Variants in KDM4C observed in about 807,000 individuals in gnomAD.
KDM4C encodes lysine demethylase 4C.
Under a neutral mutation model 129.3 loss-of-function variants are expected in KDM4C, and 81 were observed. The ratio of observed to expected loss-of-function variants is 0.63; its 90% CI spans 0.52 to 0.75. The LOEUF is 0.75. Among genes scored for constraint, KDM4C ranks in the 30% least tolerant of loss-of-function variants. The pLI is 0.00. For synonymous variants in KDM4C, 573 were observed against 456.1 expected, an observed-to-expected ratio of 1.26 and a Z score of -3.26; for missense variants, 1,457 against 1,304.0, an observed-to-expected ratio of 1.12 and a Z score of -1.81.
chr9:6,978,834 C>T (rs1396781136), intron 8 of KDM4C: 1 of 152,174 alleles, frequency 6.6e-6, no homozygotes. Flanking sequence ...TCCAGCAGTA[C>T]CATCCTCCAG....
intron 17 of KDM4C, among the ~76,000 whole-genome samples, chr9:7,080,066 A>G (rs1013345896): frequency 6.6e-6 from 1 of 152,124 alleles, no homozygotes. Context: ...CATCTAGGCC[A>G]TGGATTTATT....
At chr9:6,982,687 C>G (rs1816973451) in intron 9 of KDM4C, 1 of 152,312 alleles carries the variant, frequency 6.6e-6, no homozygotes, top group Middle Eastern at 3.4e-3. Context: ...AGAATACACA[C>G]CAGGAGAACA....
At chr9:7,113,885 C>T (rs1838607889) in intron 18 of KDM4C, among the ~76,000 whole-genome samples, 1 of 152,040 alleles carries the variant, frequency 6.6e-6, no homozygotes, top group Non-Finnish European at 1.5e-5. Flanking sequence ...GTATTCAAAA[C>T]AATCTTGACT....
rs1445739743 is a variant in KDM4C at position 7,128,055 on chromosome 9, CCTT to C, written c.2611-7_2611-5del. ...ACTTCTTTTCTTCCTTTTTTGTGTC[CCTT>C]CTTTTAGAAGTCCAAGGCTTGCGAG... On this transcript the variant is annotated splice_region_variant and splice_polypyrimidine_tract_variant and intron_variant, in intron 18 of 21. Transcript: ENST00000381309. 6.9e-7 allele frequency: 1 copy of C among 1,458,662 alleles called. No homozygotes were observed. Among genetic ancestry groups the C allele is most frequent in the Non-Finnish European group, 9.1e-7 (1 of 1,099,242 alleles). The allele number at this position is 1,458,662 out of a possible 1,614,324, so 90.4% of individuals were successfully genotyped here.
At chr9:6,807,988 G>T (rs1280494640) in intron 3 of KDM4C, among the ~76,000 whole-genome samples, 1 of 116,190 alleles carries the variant, frequency 8.6e-6, no homozygotes, top group Non-Finnish European at 1.8e-5. Flanking sequence ...CGGGAGGGAG[G>T]TGGGGGGGGT....
chr9:7,160,740 G>T lies in KDM4C; in HGVS notation c.2782-4498G>T, dbSNP rs376497147. Reference sequence around the variant, plus strand: ...GGGGAGCCACCTATATGAGGTGTCTGTTTACCTCTACTGGGAGTTGTCTCC... The same window carrying T: ...GGGGAGCCACCTATATGAGGTGTCTTTTTACCTCTACTGGGAGTTGTCTCC... On this transcript the variant is annotated intron_variant, in intron 19 of 21. Coordinates refer to ENST00000381309, the MANE Select transcript of KDM4C (RefSeq NM_015061.6). 2.0e-5 allele frequency among the ~76,000 whole-genome samples: 3 copies of T among 152,310 alleles called. No individual in the cohort carries two copies. The East Asian group carries it at 5.8e-4, about 29-fold the overall frequency.
At chr9:6,991,937 G>A (rs1309644671) in intron 12 of KDM4C, among the ~76,000 whole-genome samples, 4 of 152,122 alleles carry the variant, frequency 2.6e-5, no homozygotes, top group Non-Finnish European at 5.9e-5. Flanking sequence ...AACCAATCCA[G>A]GGTTGAATTC....
intron 11 of KDM4C, among the ~76,000 whole-genome samples, chr9:6,987,570 C>T (rs138555915): frequency 1.9e-3 from 289 of 152,244 alleles, no homozygotes; most frequent in Non-Finnish European, 2.9e-3. Flanking sequence ...AGAACAGACA[C>T]TGCTCCTGCT....
intron 8 of KDM4C, among the ~76,000 whole-genome samples, chr9:6,903,481 A>G (rs1817747651): frequency 6.6e-6 from 1 of 152,102 alleles, no homozygotes. Context: ...TCCTGAAGAG[A>G]AGGTGGGCAG....
At chr9:6,761,112 C>T (rs1181344646) in intron 1 of KDM4C, among the ~76,000 whole-genome samples, 1 of 150,290 alleles carries the variant, frequency 6.7e-6, no homozygotes, top group Non-Finnish European at 1.5e-5. Flanking sequence ...CAGGTTCAGG[C>T]GATTCTCCTG....
At chr9:6,809,541 A>C (rs1396486441) in intron 3 of KDM4C, among the ~76,000 whole-genome samples, 1 of 152,236 alleles carries the variant, frequency 6.6e-6, no homozygotes, top group Non-Finnish European at 1.5e-5. Flanking sequence ...CATAACTGCC[A>C]TAGGAAAGGT....
intron 1 of KDM4C, chr9:6,734,739 T>C (rs75370302): frequency 0.035 from 11,624 of 329,678 alleles, 304 homozygotes; most frequent in Non-Finnish European, 0.05. Flanking sequence ...GTCCTGAGGA[T>C]GTGACTTGTA....
intron 18 of KDM4C, among the ~76,000 whole-genome samples, chr9:7,115,617 T>C (rs1162927397): frequency 6.6e-6 from 1 of 152,202 alleles, no homozygotes; most frequent in Non-Finnish European, 1.5e-5. Flanking sequence ...GTAATGAAAG[T>C]ATATTTTTAA....
intron 1 of KDM4C, among the ~76,000 whole-genome samples, chr9:6,761,709 T>TCA (rs1400358622): frequency 2.0e-5 from 3 of 152,232 alleles, no homozygotes; most frequent in Non-Finnish European, 4.4e-5. Context: ...AGTGATAAGA[T>TCA]AGGTACATTC....
rs116257991 is a variant in KDM4C at position 6,829,258 on chromosome 9, T to A, written c.435+14513T>A. 8.5e-3 allele frequency among the ~76,000 whole-genome samples: 1,289 copies of A among 152,232 alleles called. 13 individuals carry two copies. The highest frequency in any genetic ancestry group is 0.03 in the African/African-American group (1,244 of 41,516). On this transcript the variant is annotated intron_variant, in intron 4 of 21. Transcript: ENST00000381309. Reference sequence around the variant, plus strand: ...AAAGTCCACAAGACTGTACTGAGAATCCAGGGCATTATGGACATTAGGCAT... The same window carrying A: ...AAAGTCCACAAGACTGTACTGAGAAACCAGGGCATTATGGACATTAGGCAT...
intron 5 of KDM4C, among the ~76,000 whole-genome samples, chr9:6,864,006 G>A (rs2130514148): frequency 6.6e-6 from 1 of 152,134 alleles, no homozygotes; most frequent in East Asian, 1.9e-4. Context: ...GGTTTAGAGG[G>A]GTCAAATATC....
At chr9:6,816,367 T>C (rs1028464128) in intron 4 of KDM4C, among the ~76,000 whole-genome samples, 1 of 152,344 alleles carries the variant, frequency 6.6e-6, no homozygotes, top group Admixed American at 6.5e-5. Flanking sequence ...ACCAGCACCG[T>C]AGAATTCCCT....
intron 3 of KDM4C, among the ~76,000 whole-genome samples, chr9:6,807,935 G>A (rs1830388579): frequency 7.7e-6 from 1 of 130,606 alleles, no homozygotes; most frequent in Non-Finnish European, 1.7e-5. Context: ...CCTCCGGGAG[G>A]GAGGTGGGGG....
chr9:7,066,746 G>C (rs1202758852), intron 17 of KDM4C, among the ~76,000 whole-genome samples: 1 of 151,802 alleles, frequency 6.6e-6, no homozygotes, highest in Non-Finnish European at 1.5e-5. Context: ...TGTAAATAAT[G>C]CAGGGATTAT....
Sources: gnomAD v4.1 joint callset for allele counts (sites outside exome capture counted in the v4.1 genomes callset) on GRCh38, gnomAD v4.1.1 for gene constraint, MANE v1.5 for transcripts, NCBI Gene and HGNC (gene_info 2026-07-23, HGNC 2026-07-21) for gene names.